LRRC4C: variants seen among roughly 807,000 people sequenced by gnomAD.
The protein encoded by LRRC4C is leucine rich repeat containing 4C, also known as leucine-rich repeat-containing protein 4C.
LRRC4C carries 5 observed loss-of-function variants against 33.6 expected under a neutral mutation model. That is an observed-to-expected ratio of 0.15 (90% CI 0.08 to 0.31). LRRC4C has a LOEUF of 0.31. LRRC4C is among the 10% of genes least tolerant of loss of function. LRRC4C has a pLI of 1.00. For missense variants in LRRC4C, 560 were observed against 796.7 expected (o/e 0.70, Z 3.58); for synonymous variants, 329 against 302.0 (o/e 1.09, Z -0.93).
intron 2 of LRRC4C, among the ~76,000 whole-genome samples, chr11:40,917,549 A>C (rs61886621): frequency 0.089 from 13,590 of 152,190 alleles, 852 homozygotes; most frequent in African/African-American, 0.17. Flanking sequence ...TTATAACAAC[A>C]GACACAACAG....
intron 3 of LRRC4C, among the ~76,000 whole-genome samples, chr11:40,499,281 C>CA (rs1954624201): frequency 6.6e-6 from 1 of 152,124 alleles, no homozygotes; most frequent in African/African-American, 2.4e-5. Flanking sequence ...TGAACTTGTA[C>CA]AACTTCCATA....
intron 5 of LRRC4C, among the ~76,000 whole-genome samples, chr11:40,224,502 GC>G (rs1237289332): frequency 6.6e-6 from 1 of 152,120 alleles, no homozygotes. Flanking sequence ...ATGCAACATA[GC>G]CCAAAGATCA....
At chr11:41,136,905 A>T (rs561435618) in intron 1 of LRRC4C, among the ~76,000 whole-genome samples, 1 of 152,220 alleles carries the variant, frequency 6.6e-6, no homozygotes, top group Non-Finnish European at 1.5e-5. Context: ...TGCCTACATA[A>T]ATTTTGTGTC....
At chr11:41,084,426 A>C (rs1236538336) in intron 1 of LRRC4C, among the ~76,000 whole-genome samples, 1 of 152,128 alleles carries the variant, frequency 6.6e-6, no homozygotes, top group East Asian at 1.9e-4. Flanking sequence ...AATATTAAAA[A>C]GTTTTAACAC....
At chr11:40,927,412 A>T (rs1205410921) in intron 2 of LRRC4C, among the ~76,000 whole-genome samples, 1 of 152,080 alleles carries the variant, frequency 6.6e-6, no homozygotes, top group Non-Finnish European at 1.5e-5. Flanking sequence ...AAAGAATATT[A>T]TCAAACATAT....
At chr11:41,111,931 AT>A (rs901635995) in intron 1 of LRRC4C, among the ~76,000 whole-genome samples, 5 of 151,866 alleles carry the variant, frequency 3.3e-5, no homozygotes, top group Admixed American at 2.0e-4. Context: ...GAGAAAATAT[AT>A]TTTTTTTCAT....
At chr11:40,990,964 G>A (rs1336969164) in intron 1 of LRRC4C, among the ~76,000 whole-genome samples, 1 of 150,698 alleles carries the variant, frequency 6.6e-6, no homozygotes, top group Non-Finnish European at 1.5e-5. Context: ...ACTAGTTCCT[G>A]TTTTTTATGG....
chr11:41,138,093 C>T (rs1943344066), intron 1 of LRRC4C, among the ~76,000 whole-genome samples: 1 of 152,210 alleles, frequency 6.6e-6, no homozygotes, highest in Non-Finnish European at 1.5e-5. Context: ...TATTCATTCA[C>T]TTACCTCACT....
chr11:40,215,962 G>A (rs889321142), intron 5 of LRRC4C, among the ~76,000 whole-genome samples: 1 of 152,130 alleles, frequency 6.6e-6, no homozygotes, highest in Admixed American at 6.6e-5. Context: ...GAAAAGATCT[G>A]TGAGCTGAGA....
At chr11:41,377,242 T>C (rs1269097781) in intron 1 of LRRC4C, among the ~76,000 whole-genome samples, 1 of 152,168 alleles carries the variant, frequency 6.6e-6, no homozygotes, top group African/African-American at 2.4e-5. Context: ...AACACTTTTG[T>C]GTGTCAGGCA....
chr11:40,906,667 C>T (rs1956429708), intron 2 of LRRC4C, among the ~76,000 whole-genome samples: 1 of 151,898 alleles, frequency 6.6e-6, no homozygotes, highest in African/African-American at 2.4e-5. Flanking sequence ...AACTGAACCT[C>T]CAATATGTCT....
intron 3 of LRRC4C, among the ~76,000 whole-genome samples, chr11:40,386,922 A>C (rs1471802999): frequency 2.6e-5 from 4 of 152,090 alleles, no homozygotes; most frequent in African/African-American, 9.7e-5. Context: ...TATTGCAATC[A>C]ATTGAACTTC....
chr11:41,071,828 A>C (rs558121947), intron 1 of LRRC4C, among the ~76,000 whole-genome samples: 119 of 152,318 alleles, frequency 7.8e-4, no homozygotes, highest in African/African-American at 2.7e-3. Flanking sequence ...ACCATGATTC[A>C]TGGAAGGTGT....
At chr11:41,247,552 C>T (rs745781540) in intron 1 of LRRC4C, among the ~76,000 whole-genome samples, 2 of 152,170 alleles carry the variant, frequency 1.3e-5, no homozygotes, top group Non-Finnish European at 2.9e-5. Context: ...ACTGCTGTGG[C>T]TGTTAGTACT....
At chr11:40,185,975 T>C (rs893533122) in intron 5 of LRRC4C, among the ~76,000 whole-genome samples, 8 of 152,204 alleles carry the variant, frequency 5.3e-5, no homozygotes, top group African/African-American at 1.7e-4. Context: ...GCAGTATCAC[T>C]TTCCCCTGTT....
chr11:40,869,202 T>C (rs957047637), intron 2 of LRRC4C, among the ~76,000 whole-genome samples: 1 of 152,128 alleles, frequency 6.6e-6, no homozygotes, highest in African/African-American at 2.4e-5. Context: ...CCAGGAAATA[T>C]AAAAAGGTAA....
rs768603453 is a variant in LRRC4C, at chr11:41,303,336, A to T, written c.-496+156095T>A. On this transcript the variant is annotated intron_variant, in intron 1 of 6. Transcript: ENST00000528697. ...GCCCCTAACCGCGAGTGATCTGCCA[A>T]CCTCGGCCTCCCGAGGTGCCGGGAT... 4.1e-3 allele frequency among the ~76,000 whole-genome samples: 468 copies of T among 113,534 alleles called. 3 individuals are homozygous for T. Among genetic ancestry groups the T allele is most frequent in the African/African-American group, 0.013 (413 of 31,260 alleles). The allele number at this position is 113,534 out of a possible 152,430, so 74.5% of individuals were successfully genotyped here. A position where few individuals can be genotyped will look rare whatever the true frequency, so the allele number is the denominator to read the frequency against.
intron 3 of LRRC4C, among the ~76,000 whole-genome samples, chr11:40,591,328 T>G (rs965696463): frequency 1.3e-5 from 2 of 152,164 alleles, no homozygotes; most frequent in South Asian, 4.1e-4. Context: ...TGCCTCGCCC[T>G]GCTTCAGCTG....
At chr11:41,336,760 A>G (rs140341967) in intron 1 of LRRC4C, among the ~76,000 whole-genome samples, 73 of 152,366 alleles carry the variant, frequency 4.8e-4, no homozygotes, top group African/African-American at 1.7e-3. Context: ...TCAGAGGTAT[A>G]GGACAAGCAA....
Sources: gnomAD v4.1 joint callset for allele counts (sites outside exome capture counted in the v4.1 genomes callset) on GRCh38, gnomAD v4.1.1 for gene constraint, MANE v1.5 for transcripts, NCBI Gene and HGNC (gene_info 2026-07-23, HGNC 2026-07-21) for gene names.